SYNE1: variants seen among roughly 807,000 people sequenced by gnomAD.
SYNE1 encodes the protein spectrin repeat containing nuclear envelope protein 1, also known as nesprin-1.
SYNE1 carries 616 observed loss-of-function variants against 1,111.0 expected under a neutral mutation model. The observed-to-expected ratio is 0.55, with a 90% CI of 0.52 to 0.59. The LOEUF (loss-of-function observed/expected upper bound fraction) is 0.59. Among genes scored for constraint, SYNE1 ranks in the 20% least tolerant of loss-of-function variants. The pLI, the probability that SYNE1 is intolerant of heterozygous loss-of-function variation, is 0.00. For missense variants in SYNE1, 10,006 were observed against 10,417.0 expected (o/e 0.96, Z 1.72); for synonymous variants, 3,855 against 3,825.8 (o/e 1.01, Z -0.28).
chr6:152,327,288 C>T (rs1407373648), intron 78 of SYNE1, among the ~76,000 whole-genome samples: 1 of 149,306 alleles, frequency 6.7e-6, no homozygotes, highest in Non-Finnish European at 1.5e-5. Context: ...AACAAACAAA[C>T]AAACAAACAT....
At chr6:152,348,412 C>T (rs374362297) in intron 72 of SYNE1, among the ~76,000 whole-genome samples, 14 of 152,252 alleles carry the variant, frequency 9.2e-5, no homozygotes, top group South Asian at 4.1e-4. Flanking sequence ...TGGCCAGACG[C>T]GGTGGCTCAC....
At chr6:152,196,362 G>A (rs1054334110) in intron 127 of SYNE1, among the ~76,000 whole-genome samples, 1 of 151,988 alleles carries the variant, frequency 6.6e-6, no homozygotes, top group Admixed American at 6.6e-5. Context: ...TCTCTTCATA[G>A]CCACCGCAGC....
chr6:152,469,672 T>A (rs952823442), intron 16 of SYNE1, among the ~76,000 whole-genome samples: 7 of 152,212 alleles, frequency 4.6e-5, no homozygotes, highest in Non-Finnish European at 8.8e-5. Context: ...AAGTTAAAAA[T>A]TTTTTTTACA....
Position 152,411,462 on chromosome 6 carries a change from T to C in SYNE1, c.6231-1753A>G, listed in dbSNP as rs2098038443. 2.0e-5 allele frequency among the ~76,000 whole-genome samples: 3 copies of C among 152,210 alleles called. No homozygotes were observed. In the South Asian group the frequency reaches 6.2e-4, roughly 32 times the overall value. ...CTTTTATGTATACATTTTAAAATCA[T>C]CTTGTCAATTTCTACAAAAAGTCTG... On this transcript the variant is annotated intron_variant, in intron 42 of 145. Transcript: ENST00000367255.
At chr6:152,163,093 A>G (rs957870829) in intron 131 of SYNE1, among the ~76,000 whole-genome samples, 2 of 152,246 alleles carry the variant, frequency 1.3e-5, no homozygotes, top group Admixed American at 6.5e-5. Context: ...GGAGAGAACC[A>G]GAGTGTGGAT....
At chr6:152,135,005 A>C (rs2095367222) in intron 142 of SYNE1, 99 bp downstream of exon 142, 2 of 1,564,530 alleles carry the variant, frequency 1.3e-6, no homozygotes, top group Non-Finnish European at 1.7e-6. Flanking sequence ...AAAAAGTTAA[A>C]AAAAAAGAAA....
intron 113 of SYNE1, among the ~76,000 whole-genome samples, chr6:152,231,802 G>GTGTGTGTGTGTA (rs144601774): frequency 6.7e-6 from 1 of 149,626 alleles, no homozygotes; most frequent in East Asian, 2.0e-4. Flanking sequence ...GTGTGTGTGT[G>GTGTGTGTGTGTA]TATATATATA....
At chr6:152,506,784 C>A (rs978177233) in intron 8 of SYNE1, among the ~76,000 whole-genome samples, 1 of 152,036 alleles carries the variant, frequency 6.6e-6, no homozygotes, top group African/African-American at 2.4e-5. Context: ...ATCATGTTGG[C>A]CAGGCTGGTC....
At chr6:152,440,291 C>A (rs1221058264) in intron 32 of SYNE1, among the ~76,000 whole-genome samples, 4 of 152,190 alleles carry the variant, frequency 2.6e-5, no homozygotes, top group Non-Finnish European at 5.9e-5. Flanking sequence ...CAAAGCCCAG[C>A]TCTGATCGTG....
chr6:152,123,233 T>C (rs2052049165), intron 145 of SYNE1, among the ~76,000 whole-genome samples: 1 of 152,248 alleles, frequency 6.6e-6, no homozygotes, highest in African/African-American at 2.4e-5. Context: ...CCTGGTTTCA[T>C]CTTGCACTGA....
intron 12 of SYNE1, among the ~76,000 whole-genome samples, chr6:152,487,445 A>G (rs1268694391): frequency 2.0e-5 from 3 of 152,176 alleles, no homozygotes; most frequent in Non-Finnish European, 2.9e-5. Flanking sequence ...TCTCCAGTCT[A>G]CATTGATGGG....
chr6:152,226,154 G>T (rs748810809), intron 115 of SYNE1, among the ~76,000 whole-genome samples: 10 of 152,078 alleles, frequency 6.6e-5, no homozygotes, highest in Non-Finnish European at 1.3e-4. Context: ...TTCTCAAGAG[G>T]CTGTGAGGAA....
chr6:152,412,132 A>G (rs2098065683), intron 42 of SYNE1, among the ~76,000 whole-genome samples: 1 of 152,128 alleles, frequency 6.6e-6, no homozygotes, highest in Admixed American at 6.5e-5. Context: ...ATAAAAAATG[A>G]ATGAACTGGA....
At chr6:152,568,759 C>T (rs2099429393) in intron 3 of SYNE1, among the ~76,000 whole-genome samples, 1 of 152,124 alleles carries the variant, frequency 6.6e-6, no homozygotes, top group Admixed American at 6.5e-5. Flanking sequence ...AGGCTCTTGC[C>T]ACTGCACCTG....
chr6:152,126,093 A>G (rs926552755), intron 145 of SYNE1: 1 of 152,204 alleles, frequency 6.6e-6, no homozygotes, highest in Non-Finnish European at 1.5e-5. Flanking sequence ...TTAAAATTTA[A>G]TTTGTGCATG....
chr6:152,421,598 C>A (rs1236350754), intron 39 of SYNE1, among the ~76,000 whole-genome samples: 1 of 151,986 alleles, frequency 6.6e-6, no homozygotes, highest in Non-Finnish European at 1.5e-5. Context: ...ATAATTTGGA[C>A]TGAATCCTGA....
intron 61 of SYNE1, 181 bp downstream of exon 61, chr6:152,368,791 C>T (rs2097128558): frequency 2.7e-6 from 2 of 752,362 alleles, no homozygotes; most frequent in East Asian, 5.2e-5. Flanking sequence ...CAAGCTTATG[C>T]AACAACAATG....
intron 98 of SYNE1, 164 bp downstream of exon 98, chr6:152,277,925 C>G: frequency 1.2e-6 from 1 of 821,434 alleles, no homozygotes; most frequent in Non-Finnish European, 2.1e-6. Flanking sequence ...TTGCCAAAGT[C>G]CAAGAGTGTA....
chr6:152,204,623 G>A (rs1404012382), intron 126 of SYNE1, among the ~76,000 whole-genome samples: 1 of 152,110 alleles, frequency 6.6e-6, no homozygotes, highest in Non-Finnish European at 1.5e-5. Flanking sequence ...TTAGGCAAAC[G>A]GATGTAGTGT....
Sources: allele counts gnomAD v4.1 joint callset (sites outside exome capture counted in the v4.1 genomes callset), GRCh38; gene constraint gnomAD v4.1.1; transcripts MANE v1.5; gene names NCBI Gene and HGNC (gene_info 2026-07-23, HGNC 2026-07-21).